The following TASP1 variants were observed in gnomAD, a reference collection of about 807,000 sequenced individuals.
TASP1 encodes the protein threonine aspartase 1.
In TASP1, 16 loss-of-function variants were observed where a neutral mutation model predicts 56.6. That is an observed-to-expected ratio of 0.28 (90% CI 0.19 to 0.43). TASP1 has a LOEUF of 0.43. Among genes scored for constraint, TASP1 ranks in the 20% least tolerant of loss-of-function variants. The pLI, the probability that TASP1 is intolerant of heterozygous loss-of-function variation, is 1.00. For synonymous variants in TASP1, 179 were observed against 184.2 expected (o/e 0.97, Z 0.23); for missense variants, 393 against 511.6 (o/e 0.77, Z 2.24).
At chr20:13,475,783 C>T (rs2044703143) in intron 11 of TASP1, among the ~76,000 whole-genome samples, 1 of 152,088 alleles carries the variant, frequency 6.6e-6, no homozygotes, top group South Asian at 2.1e-4. Flanking sequence ...GTAATCTCAG[C>T]TACTTGGGAG....
chr20:13,415,215 T>G (rs1329826861), intron 13 of TASP1, among the ~76,000 whole-genome samples: 1 of 152,192 alleles, frequency 6.6e-6, no homozygotes, highest in East Asian at 1.9e-4. Flanking sequence ...TTAGTTCAAC[T>G]ATTCTTTTAT....
intron 13 of TASP1, 45 bp downstream of exon 13, chr20:13,417,403 G>A (rs370206170): frequency 4.5e-5 from 73 of 1,605,954 alleles, no homozygotes; most frequent in African/African-American, 3.8e-4. Flanking sequence ...AGGTTTATGC[G>A]ATGGCTACAA....
intron 1 of TASP1, among the ~76,000 whole-genome samples, chr20:13,638,305 T>A (rs189058132): frequency 6.6e-6 from 1 of 151,888 alleles, no homozygotes; most frequent in African/African-American, 2.4e-5. Context: ...AAAGTTGAAC[T>A]CTCTCCTTCC....
intron 12 of TASP1, among the ~76,000 whole-genome samples, chr20:13,432,843 A>T (rs969028286): frequency 6.6e-6 from 1 of 152,186 alleles, no homozygotes; most frequent in Non-Finnish European, 1.5e-5. Context: ...CAGGGTTAAC[A>T]CAAATGGGTA....
chr20:13,566,147 T>C (rs1601273931), intron 7 of TASP1, among the ~76,000 whole-genome samples: 1 of 152,026 alleles, frequency 6.6e-6, no homozygotes, highest in South Asian at 2.1e-4. Flanking sequence ...GAGACAAAAA[T>C]GAACTAGCCA....
chr20:13,491,315 A>G (rs1373852198), intron 10 of TASP1, among the ~76,000 whole-genome samples: 1 of 152,172 alleles, frequency 6.6e-6, no homozygotes, highest in Non-Finnish European at 1.5e-5. Flanking sequence ...TCTAAAATAA[A>G]ACCTATTTTT....
intron 10 of TASP1, among the ~76,000 whole-genome samples, chr20:13,486,442 T>G (rs916707940): frequency 6.6e-6 from 1 of 152,180 alleles, no homozygotes; most frequent in Non-Finnish European, 1.5e-5. Context: ...AATAAATTCA[T>G]AACTTATGTT....
At chr20:13,412,889 CAGAT>C (rs2042137063) in intron 13 of TASP1, among the ~76,000 whole-genome samples, 1 of 152,136 alleles carries the variant, frequency 6.6e-6, no homozygotes, top group Non-Finnish European at 1.5e-5. Context: ...TGTATTGAGA[CAGAT>C]AAGGTTTTGC....
the TASP1 span, among the ~76,000 whole-genome samples, chr20:13,280,175 G>A: frequency 5.4e-5 from 8 of 148,630 alleles, no homozygotes; most frequent in East Asian, 9.8e-4. Flanking sequence ...TGCCTCCCCC[G>A]CCCCTCAAAT....
At chr20:13,110,470 C>T in the TASP1 span, among the ~76,000 whole-genome samples, 32 of 152,180 alleles carry the variant, frequency 2.1e-4, no homozygotes, top group Non-Finnish European at 4.3e-4. Context: ...CCTCTCAAGG[C>T]ATTGCTAACT....
the TASP1 span, among the ~76,000 whole-genome samples, chr20:13,297,868 C>T: frequency 6.6e-6 from 1 of 152,176 alleles, no homozygotes; most frequent in Non-Finnish European, 1.5e-5. Context: ...AGGTCACTGG[C>T]CTGTGACCCA....
At chr20:13,179,368 A>T in the TASP1 span, among the ~76,000 whole-genome samples, 1 of 150,998 alleles carries the variant, frequency 6.6e-6, no homozygotes. Flanking sequence ...TCTTTAAAAA[A>T]CTATACTAGA....
intron 13 of TASP1, among the ~76,000 whole-genome samples, chr20:13,415,651 T>C (rs1214549489): frequency 2.0e-5 from 3 of 152,068 alleles, no homozygotes; most frequent in Non-Finnish European, 2.9e-5. Flanking sequence ...TGTCAAGCAA[T>C]ATAACTGGAG....
At chr20:13,459,806 A>G (rs954078068) in intron 11 of TASP1, among the ~76,000 whole-genome samples, 2 of 152,064 alleles carry the variant, frequency 1.3e-5, no homozygotes, top group African/African-American at 4.8e-5. Flanking sequence ...CTCCAAGGTC[A>G]ATAGCTTCAC....
At chr20:13,261,162 C>T in the TASP1 span, among the ~76,000 whole-genome samples, 1 of 152,200 alleles carries the variant, frequency 6.6e-6, no homozygotes, top group East Asian at 1.9e-4. Context: ...GCCCGTAATC[C>T]CAGCACTTTG....
intron 11 of TASP1, among the ~76,000 whole-genome samples, chr20:13,471,812 G>C (rs184155700): frequency 2.0e-5 from 3 of 152,268 alleles, no homozygotes; most frequent in Admixed American, 6.5e-5. Context: ...TCATCTCATT[G>C]GGACTACTCA....
the TASP1 span, among the ~76,000 whole-genome samples, chr20:13,179,505 A>T: frequency 3.3e-5 from 5 of 151,970 alleles, no homozygotes; most frequent in African/African-American, 1.2e-4. Flanking sequence ...GGAATAACTC[A>T]GAACATCACT....
At chr20:13,220,632 G>A in the TASP1 span, among the ~76,000 whole-genome samples, 1 of 152,236 alleles carries the variant, frequency 6.6e-6, no homozygotes, top group Admixed American at 6.5e-5. Context: ...AACGCCTAGA[G>A]AGTCGGACTC....
intron 8 of TASP1, among the ~76,000 whole-genome samples, chr20:13,555,316 G>A (rs907555411): frequency 4.8e-5 from 7 of 147,250 alleles, no homozygotes; most frequent in South Asian, 2.1e-4. Flanking sequence ...CCTGTGAGGC[G>A]GAGGTTGCAG....
Sources: allele counts gnomAD v4.1 joint callset (sites outside exome capture counted in the v4.1 genomes callset), GRCh38; gene constraint gnomAD v4.1.1; transcripts MANE v1.5; gene names NCBI Gene and HGNC (gene_info 2026-07-23, HGNC 2026-07-21).